Variants in BPIFB2 observed in about 807,000 individuals in gnomAD.
BPIFB2 encodes BPI fold-containing family B member 2.
BPIFB2 carries 39 observed loss-of-function variants against 50.1 expected under a neutral mutation model. The ratio of observed to expected loss-of-function variants is 0.78; its 90% confidence interval spans 0.60 to 1.02. BPIFB2 has a LOEUF of 1.02. Ranked by LOEUF, BPIFB2 falls within the 50% of genes least tolerant of loss-of-function variation. The probability of loss-of-function intolerance (pLI) is 0.00; values close to 1 mark genes in which losing one functional copy is unlikely to be tolerated. For missense variants in BPIFB2, 574 were observed against 585.8 expected (o/e 0.98, Z 0.21); for synonymous variants, 280 against 256.3 (o/e 1.09, Z -0.88).
At chr20:33,010,849 C>T (rs553329199) in intron 2 of BPIFB2, among the ~76,000 whole-genome samples, 175 bp from the exon 3 acceptor site, 6 of 152,132 alleles carry the variant, frequency 3.9e-5, no homozygotes, top group Admixed American at 3.9e-4. Context: ...GCGAGTGGTG[C>T]ACCCAAGGTG....
chr20:33,016,783 C>T (rs1253738893), intron 6 of BPIFB2, among the ~76,000 whole-genome samples: 1 of 152,204 alleles, frequency 6.6e-6, no homozygotes, highest in Non-Finnish European at 1.5e-5. Context: ...GGGCTGGGCT[C>T]CACGGCCTCT....
chr20:33,023,486 C>A lies in BPIFB2; in HGVS notation c.*103C>A. On this transcript the variant is annotated 3_prime_UTR_variant, in exon 16 of 16. Transcript: ENST00000170150. The stretch of plus-strand genomic sequence containing the variant: ...CTGAGGCAAAACCATACTTAGTCAT[C>A]ACCAACAAGCTGGACTGCTTAGCTG... The A allele has an allele frequency of 2.9e-6, 4 of 1,366,928 alleles. No individual in the cohort carries two copies. The highest frequency in any genetic ancestry group is 1.8e-5 in the Admixed American group (1 of 57,108). The allele number at this position is 1,366,928 out of a possible 1,614,324, so 84.7% of individuals were successfully genotyped here.
At chr20:33,015,529 G>A (rs751862401) in intron 6 of BPIFB2, 33 bp downstream of exon 6, 13 of 1,562,098 alleles carry the variant, frequency 8.3e-6, no homozygotes, top group Non-Finnish European at 1.1e-5. Context: ...AGAAAGGAGG[G>A]CATGGCTTCA....
At chr20:33,021,127 G>A (rs1978649817) in intron 13 of BPIFB2, among the ~76,000 whole-genome samples, 154 bp from the exon 14 acceptor site, 1 of 152,196 alleles carries the variant, frequency 6.6e-6, no homozygotes, top group Admixed American at 6.5e-5. Flanking sequence ...TTGAACCCAG[G>A]ACATGGGTGA....
At chr20:33,008,453 G>C (rs1489832551) in intron 1 of BPIFB2, 88 bp from the exon 2 acceptor site, 2 of 701,716 alleles carry the variant, frequency 2.9e-6, no homozygotes, top group African/African-American at 3.6e-5. Context: ...ACCAGTCAGG[G>C]CTTGTTCCCT....
intron 10 of BPIFB2, 34 bp from the exon 11 acceptor site, chr20:33,019,546 C>A: frequency 6.5e-7 from 1 of 1,549,252 alleles, no homozygotes; most frequent in Non-Finnish European, 8.7e-7. Flanking sequence ...CAGCCGCTGC[C>A]TCAGCAGGGC....
At chr20:33,014,061 C>T in intron 5 of BPIFB2, 105 bp downstream of exon 5, 1 of 1,409,062 alleles carries the variant, frequency 7.1e-7, no homozygotes, top group Non-Finnish European at 9.5e-7. Flanking sequence ...CCACAAGGGC[C>T]TCAGGGGCCC....
At chr20:33,020,952 G>A (rs1017708560) in intron 13 of BPIFB2, among the ~76,000 whole-genome samples, 6 of 152,134 alleles carry the variant, frequency 3.9e-5, no homozygotes, top group Admixed American at 2.0e-4. Flanking sequence ...TCTGTCTGTC[G>A]GTCATCTGCG....
intron 5 of BPIFB2, among the ~76,000 whole-genome samples, chr20:33,014,381 G>A (rs1385825795): frequency 6.6e-6 from 1 of 152,208 alleles, no homozygotes; most frequent in African/African-American, 2.4e-5. Flanking sequence ...AAGGCTGATG[G>A]CAGCTCCCGC....
chr20:33,013,559 G>A (rs1159075122), intron 4 of BPIFB2, among the ~76,000 whole-genome samples: 1 of 152,130 alleles, frequency 6.6e-6, no homozygotes, highest in African/African-American at 2.4e-5. Flanking sequence ...ACTGGCCCAG[G>A]GTCTCACAGT....
chr20:33,012,765 A>G, intron 3 of BPIFB2, 38 bp from the exon 4 acceptor site: 1 of 1,529,876 alleles, frequency 6.5e-7, no homozygotes. Flanking sequence ...CCATGGTTTA[A>G]TGGGGGCCAC....
At chr20:33,012,678 A>G (rs1990303880) in intron 3 of BPIFB2, 125 bp from the exon 4 acceptor site, 1 of 764,188 alleles carries the variant, frequency 1.3e-6, no homozygotes, top group Non-Finnish European at 2.2e-6. Flanking sequence ...CCCTTACCTC[A>G]TGGTTCCAAT....
At chr20:33,020,236 C>A in intron 11 of BPIFB2, 92 bp from the exon 12 acceptor site, 1 of 1,273,224 alleles carries the variant, frequency 7.9e-7, no homozygotes, top group Non-Finnish European at 1.1e-6. Context: ...CACCTGCTGC[C>A]TGAATGAGTC....
At chr20:33,018,883 G>C in intron 9 of BPIFB2, 61 bp downstream of exon 9, 1 of 1,578,836 alleles carries the variant, frequency 6.3e-7, no homozygotes, top group Non-Finnish European at 8.6e-7. Flanking sequence ...GCCCAGCCTA[G>C]GGAGACCTCC....
chr20:33,012,019 A>C (rs575644866), intron 3 of BPIFB2, among the ~76,000 whole-genome samples: 2 of 152,302 alleles, frequency 1.3e-5, no homozygotes, highest in East Asian at 3.9e-4. Flanking sequence ...AAACAAACAA[A>C]AAATATTTAA....
intron 5 of BPIFB2, 84 bp downstream of exon 5, chr20:33,014,040 T>A (rs1175469078): frequency 1.1e-5 from 16 of 1,506,968 alleles, no homozygotes; most frequent in Non-Finnish European, 1.4e-5. Context: ...ACTCAGGACT[T>A]TAACCAATGG....
At position 33,023,354 on chromosome 20, in the gene BPIFB2, A is replaced by G. The variant is rs981381613; in HGVS notation, c.1348A>G (p.Ile450Val). 1.2e-6 allele frequency: 2 copies of G among 1,613,900 alleles called. No individual in the cohort carries two copies. Among genetic ancestry groups the G allele is most frequent in the Non-Finnish European group, 1.7e-6 (2 of 1,179,886 alleles). The change falls in exon 16 of 16, where the codon ATA (isoleucine) becomes GTA (valine). Residue 450 changes from isoleucine to valine, a missense_variant. By Grantham distance (29) the Ile-to-Val change is conservative. Transcript: ENST00000170150. ...EIFVYEGYVV[I>V]SSGLFYQS ...CTTTGCCCTTCAGGGCTACGTGGTGATATCCAGTGGACTCTTCTACCAGAG... is the reference window on the plus strand; with the variant it reads ...CTTTGCCCTTCAGGGCTACGTGGTGGTATCCAGTGGACTCTTCTACCAGAG...
intron 11 of BPIFB2, 128 bp downstream of exon 11, chr20:33,019,878 C>A: frequency 8.1e-7 from 1 of 1,229,134 alleles, no homozygotes; most frequent in Non-Finnish European, 1.1e-6. Context: ...TGTCAGGACA[C>A]TCCCGCCCCA....
rs1990246358 is a variant in BPIFB2, at chr20:33,008,694, T to C, written c.109+11T>C. On this transcript the variant is annotated intron_variant, in intron 2 of 15. Coordinates refer to ENST00000170150, the MANE Select transcript of BPIFB2 (RefSeq NM_025227.3). The stretch of plus-strand genomic sequence containing the variant: ...CAGCATTGAGCTACGGTAAGCGGTG[T>C]GTTACCCAGTGAGTGTCTGTGAGCC... 25 of 1,581,796 alleles carry C rather than the reference T, an allele frequency of 1.6e-5. No homozygotes were observed. The highest frequency in any genetic ancestry group is 1.7e-4 in the Middle Eastern group (1 of 6,018).
Sources: gnomAD v4.1 joint callset for allele counts (sites outside exome capture counted in the v4.1 genomes callset) on GRCh38, gnomAD v4.1.1 for gene constraint, MANE v1.5 for transcripts, NCBI Gene and HGNC (gene_info 2026-07-23, HGNC 2026-07-21) for gene names.